Variants in MARCHF3 observed in about 807,000 individuals in gnomAD.
The protein encoded by MARCHF3 is E3 ubiquitin-protein ligase MARCHF3.
MARCHF3 carries 13 observed loss-of-function variants against 24.2 expected under a neutral mutation model. The observed-to-expected ratio is 0.54, with a 90% CI of 0.35 to 0.85. MARCHF3 has a LOEUF of 0.85. Ranked by LOEUF, MARCHF3 falls within the 40% of genes least tolerant of loss-of-function variation. MARCHF3 has a pLI of 0.01. For missense variants in MARCHF3, 276 were observed against 325.0 expected (o/e 0.85, Z 1.16); for synonymous variants, 144 against 137.3 (o/e 1.05, Z -0.34).
intron 3 of MARCHF3, among the ~76,000 whole-genome samples, chr5:126,903,911 T>C (rs967977546): frequency 6.6e-6 from 1 of 151,598 alleles, no homozygotes; most frequent in East Asian, 1.9e-4. Context: ...GCGCCGCACC[T>C]ACTAACTCGT....
intron 1 of MARCHF3, among the ~76,000 whole-genome samples, chr5:126,985,508 C>T (rs1017578988): frequency 1.4e-5 from 2 of 147,534 alleles, no homozygotes; most frequent in Non-Finnish European, 3.0e-5. Flanking sequence ...CTCACTCTGT[C>T]GCCCAGGCTG....
chr5:126,882,049 A>C (rs537787540), intron 3 of MARCHF3, among the ~76,000 whole-genome samples: 7 of 152,336 alleles, frequency 4.6e-5, no homozygotes, highest in African/African-American at 1.2e-4. Context: ...CCTATGTAGT[A>C]GGTGATAACA....
intron 1 of MARCHF3, among the ~76,000 whole-genome samples, chr5:126,953,515 T>C (rs1407803266): frequency 1.3e-5 from 2 of 152,212 alleles, no homozygotes; most frequent in East Asian, 1.9e-4. Flanking sequence ...TTTATATTGA[T>C]GAATGGCTCA....
At chr5:126,938,885 A>G (rs896116657) in intron 1 of MARCHF3, among the ~76,000 whole-genome samples, 1 of 152,232 alleles carries the variant, frequency 6.6e-6, no homozygotes, top group African/African-American at 2.4e-5. Context: ...TATTTCTTAT[A>G]TACATAACAA....
intron 3 of MARCHF3, among the ~76,000 whole-genome samples, chr5:126,907,700 G>C (rs1209404230): frequency 2.1e-5 from 3 of 143,158 alleles, no homozygotes; most frequent in African/African-American, 7.8e-5. Context: ...CTTTTATTTT[G>C]AGCCTATGTG....
chr5:126,909,713 G>A (rs1003619732), intron 3 of MARCHF3, among the ~76,000 whole-genome samples: 18 of 152,114 alleles, frequency 1.2e-4, no homozygotes, highest in African/African-American at 4.3e-4. Context: ...CCACTGTCTG[G>A]CACTCCCTAG....
intron 3 of MARCHF3, among the ~76,000 whole-genome samples, chr5:126,911,147 C>A (rs1754514383): frequency 6.6e-6 from 1 of 152,164 alleles, no homozygotes; most frequent in South Asian, 2.1e-4. Context: ...CAATGCATGC[C>A]TGAAACTTCA....
intron 1 of MARCHF3, among the ~76,000 whole-genome samples, chr5:126,923,484 T>C (rs1459425489): frequency 1.3e-5 from 2 of 152,204 alleles, no homozygotes; most frequent in Admixed American, 1.3e-4. Flanking sequence ...GAGTGCTGGC[T>C]GGCACTGACA....
intron 3 of MARCHF3, among the ~76,000 whole-genome samples, chr5:126,914,360 C>A (rs1034292212): frequency 6.6e-6 from 1 of 151,948 alleles, no homozygotes; most frequent in African/African-American, 2.4e-5. Context: ...TCATTCAAAC[C>A]GTTGCATATG....
At chr5:127,005,069 G>A (rs1001443784) in intron 1 of MARCHF3, among the ~76,000 whole-genome samples, 11 of 151,330 alleles carry the variant, frequency 7.3e-5, no homozygotes, top group Admixed American at 2.0e-4. Flanking sequence ...AAAGAGTTCC[G>A]TCCTCATGTT....
intron 3 of MARCHF3, among the ~76,000 whole-genome samples, chr5:126,905,577 A>G (rs1252786290): frequency 1.3e-5 from 2 of 151,860 alleles, no homozygotes; most frequent in East Asian, 3.9e-4. Context: ...CTTTGAAGCA[A>G]TTGTGAATGG....
chr5:127,003,606 C>T (rs1241789184), intron 1 of MARCHF3, among the ~76,000 whole-genome samples: 3 of 150,588 alleles, frequency 2.0e-5, no homozygotes, highest in South Asian at 4.2e-4. Flanking sequence ...AAAAATTAGC[C>T]GGGCACGGTT....
chr5:126,919,379 A>G (rs1371710905), intron 1 of MARCHF3, among the ~76,000 whole-genome samples: 1 of 152,218 alleles, frequency 6.6e-6, no homozygotes, highest in Non-Finnish European at 1.5e-5. Context: ...GCCTGGGCTC[A>G]GTAGACAGCA....
At position 126,885,017 on chromosome 5, in the gene MARCHF3, C is replaced by T. The variant is rs74837807; in HGVS notation, c.394-6623G>A. ...CCTCTCGCTTCATTTTCAGCCTTTG[C>T]GCATATTCTTTTTCAGCTTCTCATT... is the stretch of plus-strand genomic sequence containing the variant. On this transcript the variant is annotated intron_variant, in intron 3 of 4. Coordinates refer to ENST00000308660, the MANE Select transcript of MARCHF3 (RefSeq NM_178450.5). 1.3e-3 allele frequency among the ~76,000 whole-genome samples: 197 copies of T among 152,222 alleles called. 2 individuals carry two copies. In the East Asian group the frequency reaches 0.019, roughly 15 times the overall value.
At chr5:126,938,507 TA>T (rs144118793) in intron 1 of MARCHF3, among the ~76,000 whole-genome samples, 2,032 of 149,770 alleles carry the variant, frequency 0.014, 54 homozygotes, top group African/African-American at 0.048. Context: ...TTGTTGTTTT[TA>T]AAAGCTAGGA....
intron 1 of MARCHF3, among the ~76,000 whole-genome samples, chr5:126,934,927 A>C (rs572186288): frequency 6.6e-6 from 1 of 152,178 alleles, no homozygotes; most frequent in Non-Finnish European, 1.5e-5. Context: ...TTCTGCCCCC[A>C]CCGATTTGAA....
At chr5:126,913,377 G>T (rs1174035000) in intron 3 of MARCHF3, among the ~76,000 whole-genome samples, 1 of 152,232 alleles carries the variant, frequency 6.6e-6, no homozygotes, top group Non-Finnish European at 1.5e-5. Flanking sequence ...TTTCTGGAAA[G>T]GAGAAATAAG....
At chr5:127,007,421 A>C (rs1752343790) in intron 1 of MARCHF3, among the ~76,000 whole-genome samples, 1 of 151,572 alleles carries the variant, frequency 6.6e-6, no homozygotes. Flanking sequence ...ATTCTTATGT[A>C]AATTTAAACA....
At chr5:126,985,480 T>C (rs985507364) in intron 1 of MARCHF3, among the ~76,000 whole-genome samples, 2 of 150,802 alleles carry the variant, frequency 1.3e-5, no homozygotes, top group African/African-American at 4.9e-5. Context: ...TATTTTTTTT[T>C]TTTTTTTGAG....
Sources: gnomAD v4.1 joint callset for allele counts (sites outside exome capture counted in the v4.1 genomes callset) on GRCh38, gnomAD v4.1.1 for gene constraint, MANE v1.5 for transcripts, NCBI Gene and HGNC (gene_info 2026-07-23, HGNC 2026-07-21) for gene names.